The following DSG2 variants were observed in gnomAD, a reference collection of about 807,000 sequenced individuals.
DSG2 encodes the protein desmoglein-2.
Under a neutral mutation model 75.6 loss-of-function variants are expected in DSG2, and 45 were observed. The ratio of observed to expected loss-of-function variants is 0.60; its 90% CI spans 0.47 to 0.76. The LOEUF is 0.76. DSG2 is among the 30% of genes least tolerant of loss of function. DSG2 has a pLI of 0.00. For synonymous variants in DSG2, 429 were observed against 483.9 expected, an observed-to-expected ratio of 0.89 and a Z score of 1.49; for missense variants, 1,267 against 1,357.4, an observed-to-expected ratio of 0.93 and a Z score of 1.05.
intron 9 of DSG2, among the ~76,000 whole-genome samples, chr18:31,531,941 T>C (rs1251175385): frequency 2.6e-5 from 4 of 152,200 alleles, no homozygotes; most frequent in Non-Finnish European, 5.9e-5. Context: ...GACCATTCTC[T>C]ACAGAGCTGT....
Position 31,535,377 on chromosome 18 carries a change from G to A in DSG2, c.1388G>A (p.Gly463Asp), listed in dbSNP as rs755752128. 1 of 1,611,782 alleles carries A rather than the reference G, an allele frequency of 6.2e-7. No individual in the cohort carries two copies. The highest frequency in any genetic ancestry group is 8.5e-7 in the Non-Finnish European group (1 of 1,178,348). Reference sequence around the variant, plus strand: ...TTTGAATCTAGATATGTTCAAAATGGCACATACACTGTAAAGATTGTGGCC... The same window carrying A: ...TTTGAATCTAGATATGTTCAAAATGACACATACACTGTAAAGATTGTGGCC... ...PDFESRYVQNGTYTVKIVAIS... is the reference protein window; with the variant it reads ...PDFESRYVQNDTYTVKIVAIS... The change falls in exon 10 of 15, where the codon GGC becomes GAC. Residue 463 changes from glycine to aspartate, a missense_variant. Gly to Asp is a moderately conservative substitution (Grantham distance 94, BLOSUM62 -1). Transcript: ENST00000261590.
In DSG2 at chr18:31,536,180, C is replaced by G. The variant is rs751422207; in HGVS notation, c.1424-22C>G. 56 of 1,608,816 alleles carry G rather than the reference C, an allele frequency of 3.5e-5. No individual in the cohort carries two copies. In the East Asian group the frequency reaches 6.9e-4, roughly 20 times the overall value. On this transcript the variant is annotated intron_variant, in intron 10 of 14. Coordinates refer to ENST00000261590, the MANE Select transcript of DSG2 (RefSeq NM_001943.5). ...CAGCAATAGGAACAGAATGTACATACTTTTTCTCTCTTATTTTTAAGATTA... is the reference window on the plus strand; with the variant it reads ...CAGCAATAGGAACAGAATGTACATAGTTTTTCTCTCTTATTTTTAAGATTA...
Position 31,521,170 on chromosome 18 carries a change from T to C in DSG2, c.450T>C (p.Leu150=). The C allele has an allele frequency of 6.2e-7, 1 of 1,613,802 alleles. No individual in the cohort carries two copies. Among genetic ancestry groups the C allele is most frequent in the Non-Finnish European group, 8.5e-7 (1 of 1,179,912 alleles). The stretch of plus-strand genomic sequence containing the variant: ...CCTTAGAGCTACGCATTAAGGTTCT[T>C]GATATCAATGACAACGAACCAGTGT... The part of the protein sequence containing the change: ...EKPLELRIKV[L]DINDNEPVFT... Residue 150 remains leucine, a synonymous_variant, in exon 5 of 15, where the codon CTT becomes CTC. Coordinates refer to ENST00000261590, the MANE Select transcript of DSG2 (RefSeq NM_001943.5).
chr18:31,542,955 T>G, intron 14 of DSG2, 103 bp downstream of exon 14: 2 of 981,300 alleles, frequency 2.0e-6, no homozygotes, highest in Non-Finnish European at 1.4e-6. Flanking sequence ...AAATGAGACT[T>G]TGGGTTTTTT....
intron 14 of DSG2, among the ~76,000 whole-genome samples, chr18:31,543,574 A>G (rs1465882790): frequency 6.6e-6 from 1 of 152,244 alleles, no homozygotes; most frequent in Non-Finnish European, 1.5e-5. Flanking sequence ...AAATAAAAGT[A>G]TAATGTAGAG....
Position 31,542,823 on chromosome 18 carries a change from G to A in DSG2, c.2305G>A (p.Glu769Lys), listed in dbSNP as rs371146201. The A allele has an allele frequency of 4.1e-5, 57 of 1,399,638 alleles. No individual in the cohort carries two copies. The African/African-American group carries it at 5.4e-4, about 13-fold the overall frequency. The allele number at this position is 1,399,638 out of a possible 1,614,324, so 86.7% of individuals were successfully genotyped here. A position where few individuals can be genotyped will look rare whatever the true frequency, so the allele number is the denominator to read the frequency against. The change falls in exon 14 of 15, where the codon GAA becomes AAA. Residue 769 changes from glutamate to lysine, a missense_variant. Transcript: ENST00000261590. ...TCAGGCAGCTGCTGTTGCACTGAAC[G>A]AAGAATTCTTAAGAAATTATTTCAC... ...GAQAAAVALN[E>K]EFLRNYFTDK...
chr18:31,510,834 A>G (rs2073062618), intron 1 of DSG2, among the ~76,000 whole-genome samples: 1 of 152,214 alleles, frequency 6.6e-6, no homozygotes, highest in Non-Finnish European at 1.5e-5. Context: ...GTCATGTTGC[A>G]GGTGACATTT....
Position 31,537,774 on chromosome 18 carries a change from G to A in DSG2, c.1652-977G>A, listed in dbSNP as rs181197901. 1.8e-4 allele frequency among the ~76,000 whole-genome samples: 28 copies of A among 152,152 alleles called. 1 individual carries two copies. Among genetic ancestry groups the A allele is most frequent in the African/African-American group, 4.8e-4 (20 of 41,496 alleles). On this transcript the variant is annotated intron_variant, in intron 11 of 14. Transcript: ENST00000261590. ...TCCTAGCACTTTGGGAGGGTGAGGC[G>A]GGTGGATCACTTGAGGTCAGGAGTT... is the stretch of plus-strand genomic sequence containing the variant.
rs548751788 is a variant in DSG2 at position 31,516,567 on chromosome 18, A to G, written c.46-1672A>G. Among the ~76,000 whole-genome samples, 14 of 152,362 alleles carry G rather than the reference A, an allele frequency of 9.2e-5. No individual in the cohort carries two copies. In the South Asian group the frequency reaches 2.9e-3, roughly 32 times the overall value. On this transcript the variant is annotated intron_variant, in intron 1 of 14. Transcript: ENST00000261590. ...TTTTGAGGATGAAAGGGTTGTTAAC[A>G]GATGGAATGCCTCACAGCAGGTGTC...
chr18:31,512,473 A>G (rs1476383148), intron 1 of DSG2, among the ~76,000 whole-genome samples: 1 of 152,240 alleles, frequency 6.6e-6, no homozygotes, highest in Non-Finnish European at 1.5e-5. Context: ...TCTGGTCTCT[A>G]TACATTTGTT....
At position 31,499,357 on chromosome 18, in the gene DSG2, CGTGTGTGTGT is replaced by C. The variant is rs34693299; in HGVS notation, c.45+1082_45+1091del. Reference sequence around the variant, plus strand: ...GTTTTGGTGGGATGTGGAAGAAAATCGTGTGTGTGTGTGTGTGTGTGTGTGTGTGTCTCAA... The same window carrying C: ...GTTTTGGTGGGATGTGGAAGAAAATCGTGTGTGTGTGTGTGTGTGTCTCAA... On this transcript the variant is annotated intron_variant, in intron 1 of 14. Coordinates refer to ENST00000261590, the MANE Select transcript of DSG2 (RefSeq NM_001943.5). Among the ~76,000 whole-genome samples, 45 of 149,738 alleles carry C rather than the reference CGTGTGTGTGT, an allele frequency of 3.0e-4. No individual in the cohort carries two copies. The South Asian group carries it at 7.0e-3, about 23-fold the overall frequency.
chr18:31,519,831 TG>T lies in DSG2; in HGVS notation c.111del (p.Leu38PhefsTer7), dbSNP rs918026681. On this transcript the variant is annotated frameshift_variant, in exon 3 of 15. Transcript: ENST00000261590. LOFTEE classifies it high-confidence loss of function. ...TTAAGCACAAGAAATGAAAATAAGC[TG>T]CTTCCTAAACATCCTCATTTAGTGC... ...QVLSTRNENK[L>X]LPKHPHLVRQ... 6.2e-7 allele frequency: 1 copy of T among 1,614,090 alleles called. No homozygotes were observed. Among genetic ancestry groups the T allele is most frequent in the African/African-American group, 1.3e-5 (1 of 74,946 alleles).
intron 1 of DSG2, among the ~76,000 whole-genome samples, chr18:31,502,233 G>T (rs970690486): frequency 2.0e-5 from 3 of 152,160 alleles, no homozygotes; most frequent in African/African-American, 7.2e-5. Flanking sequence ...ATATTCTGTG[G>T]TGTGTGAGTG....
Position 31,519,826 on chromosome 18 carries a change from T to A in DSG2, c.105T>A (p.Asn35Lys), listed in dbSNP as rs1380949518. Residue 35 changes from asparagine to lysine, a missense_variant, in exon 3 of 15, where the codon AAT becomes AAA. Asn to Lys is a moderately conservative substitution (Grantham distance 94, BLOSUM62 0). Transcript: ENST00000261590. ...AGGTCTTAAGCACAAGAAATGAAAA[T>A]AAGCTGCTTCCTAAACATCCTCATT... is the stretch of plus-strand genomic sequence containing the variant. ...HLQVLSTRNE[N>K]KLLPKHPHLV... 2 of 1,614,018 alleles carry A rather than the reference T, an allele frequency of 1.2e-6. No homozygotes were observed. Among genetic ancestry groups the A allele is most frequent in the East Asian group, 4.5e-5 (2 of 44,894 alleles).
In DSG2 at chr18:31,536,286, T is replaced by C; in HGVS notation, c.1508T>C (p.Val503Ala). Residue 503 changes from valine (V) to alanine (A), a missense_variant, in exon 11 of 15, where the codon GTG becomes GCG. Transcript: ENST00000261590. ...NDNCPTLIEP[V>A]QTICHDAEYV... ...AACTGTCCCACACTGATAGAGCCTG[T>C]GCAGACAATCTGTCACGATGCAGAG... The C allele has an allele frequency of 6.2e-7, 1 of 1,614,232 alleles. No homozygotes were observed. The highest frequency in any genetic ancestry group is 8.5e-7 in the Non-Finnish European group (1 of 1,180,040).
At chr18:31,501,650 T>A (rs1452186260) in intron 1 of DSG2, among the ~76,000 whole-genome samples, 1 of 152,230 alleles carries the variant, frequency 6.6e-6, no homozygotes, top group Non-Finnish European at 1.5e-5. Flanking sequence ...TTCTCTCTTT[T>A]GTCTCTTTAT....
At chr18:31,500,690 A>G (rs1382394371) in intron 1 of DSG2, among the ~76,000 whole-genome samples, 1 of 152,196 alleles carries the variant, frequency 6.6e-6, no homozygotes, top group East Asian at 1.9e-4. Context: ...CAGTGCAGGG[A>G]GACACACCAG....
At chr18:31,503,895 C>T (rs573836179) in intron 1 of DSG2, among the ~76,000 whole-genome samples, 2 of 152,178 alleles carry the variant, frequency 1.3e-5, no homozygotes, top group Admixed American at 6.5e-5. Flanking sequence ...TAAGACTCTA[C>T]ATTCTGCAGA....
chr18:31,535,285 A>T lies in DSG2; in HGVS notation c.1296A>T (p.Glu432Asp). The T allele has an allele frequency of 6.3e-7, 1 of 1,589,182 alleles. No homozygotes were observed. Among genetic ancestry groups the T allele is most frequent in the Middle Eastern group, 1.7e-4 (1 of 5,974 alleles). ...TTTATGACAGATATGTAAAATTAGA[A>T]GATAGAGATAATTGGATCTCTGTGG... is the stretch of plus-strand genomic sequence containing the variant. ...LPAHARYVKL[E>D]DRDNWISVDS... Residue 432 changes from glutamate to aspartate, a missense_variant, in exon 10 of 15, where the codon GAA becomes GAT. By Grantham distance (45) the Glu-to-Asp change is conservative (BLOSUM62 2). Transcript: ENST00000261590.
Sources: allele counts gnomAD v4.1 joint callset (sites outside exome capture counted in the v4.1 genomes callset), GRCh38; gene constraint gnomAD v4.1.1; transcripts MANE v1.5; gene names NCBI Gene and HGNC (gene_info 2026-07-23, HGNC 2026-07-21).